ACCSL: variants seen among roughly 807,000 people sequenced by gnomAD.
The protein encoded by ACCSL is probable inactive 1-aminocyclopropane-1-carboxylate synthase-like protein 2.
ACCSL carries 55 observed loss-of-function variants against 61.7 expected under a neutral mutation model. The observed-to-expected ratio is 0.89, with a 90% CI of 0.72 to 1.12. The LOEUF (loss-of-function observed/expected upper bound fraction) is 1.12. Among genes scored for constraint, ACCSL ranks in the 50% most tolerant of loss-of-function variants. ACCSL has a pLI of 0.00. For synonymous variants in ACCSL, 258 were observed against 264.3 expected (o/e 0.98, Z 0.23); for missense variants, 632 against 698.0 (o/e 0.91, Z 1.07).
the ACCSL span, among the ~76,000 whole-genome samples, chr11:43,951,527 G>A: frequency 6.6e-6 from 1 of 152,164 alleles, no homozygotes; most frequent in Non-Finnish European, 1.5e-5. Flanking sequence ...CTGTCCGGAA[G>A]CACAAAGACC....
chr11:44,037,875 C>G, the ACCSL span, among the ~76,000 whole-genome samples: 15 of 150,978 alleles, frequency 9.9e-5, no homozygotes, highest in Non-Finnish European at 5.9e-5. Context: ...ATCCATGCAT[C>G]CATCCATCCA....
chr11:43,990,958 C>T, the ACCSL span, among the ~76,000 whole-genome samples: 1 of 152,096 alleles, frequency 6.6e-6, no homozygotes, highest in Non-Finnish European at 1.5e-5. Context: ...GTAATCCCAG[C>T]TACTTGGGAG....
the ACCSL span, among the ~76,000 whole-genome samples, chr11:43,951,152 C>G: frequency 6.6e-6 from 1 of 152,196 alleles, no homozygotes; most frequent in South Asian, 2.1e-4. Flanking sequence ...ATTGGCTGCT[C>G]TTTGTGGCTT....
chr11:44,051,407 G>A lies in ACCSL; in HGVS notation c.705+3G>A. ...CTACCCGACTTGACCCAGAAAATGT[G>A]AGTCAGTTTCCCAGCCTTGCTGCCA... On this transcript the variant is annotated splice_donor_region_variant and intron_variant, in intron 4 of 13. Coordinates refer to ENST00000378832, the MANE Select transcript of ACCSL (RefSeq NM_001031854.2). The A allele has an allele frequency of 1.2e-6, 2 of 1,614,198 alleles. No homozygotes were observed. The highest frequency in any genetic ancestry group is 1.7e-6 in the Non-Finnish European group (2 of 1,180,028).
the ACCSL span, among the ~76,000 whole-genome samples, chr11:43,961,812 A>G: frequency 6.6e-6 from 1 of 152,136 alleles, no homozygotes; most frequent in African/African-American, 2.4e-5. Flanking sequence ...CTTCAGCTAT[A>G]ACAGGAAATA....
chr11:43,954,807 ACT>A, the ACCSL span, among the ~76,000 whole-genome samples: 1 of 151,560 alleles, frequency 6.6e-6, no homozygotes, highest in Non-Finnish European at 1.5e-5. Flanking sequence ...CTGGTCTCGA[ACT>A]CTCCATCTCA....
At chr11:44,029,217 C>T in the ACCSL span, among the ~76,000 whole-genome samples, 1 of 152,254 alleles carries the variant, frequency 6.6e-6, no homozygotes, top group Non-Finnish European at 1.5e-5. Context: ...CAAGATCCTT[C>T]CAGAGGCCTG....
chr11:44,029,162 T>C, the ACCSL span, among the ~76,000 whole-genome samples: 1 of 152,236 alleles, frequency 6.6e-6, no homozygotes, highest in Non-Finnish European at 1.5e-5. Flanking sequence ...AGATCTAGTC[T>C]TCTTCAAAAC....
chr11:43,943,337 C>G, the ACCSL span: 11 of 1,409,912 alleles, frequency 7.8e-6, no homozygotes, highest in Non-Finnish European at 9.2e-6. The surrounding 1 kb of genome is among the most constrained non-coding windows in gnomAD (Gnocchi z 4.8). Context: ...CGTGTGAACC[C>G]CGAGAGTGCC....
chr11:43,947,215 C>A, the ACCSL span: 1 of 152,198 alleles, frequency 6.6e-6, no homozygotes, highest in South Asian at 2.1e-4. Flanking sequence ...CTCCCGTGAA[C>A]CAACAGAGGG....
At chr11:44,013,267 T>C in the ACCSL span, among the ~76,000 whole-genome samples, 1 of 152,228 alleles carries the variant, frequency 6.6e-6, no homozygotes, top group African/African-American at 2.4e-5. Context: ...TAAAAGAACA[T>C]AAGCAATTCT....
chr11:43,924,295 T>G, the ACCSL span, among the ~76,000 whole-genome samples: 1 of 152,248 alleles, frequency 6.6e-6, no homozygotes, highest in Non-Finnish European at 1.5e-5. Context: ...AGCCCAGCCG[T>G]GCCTGCTGCT....
At chr11:43,949,814 CA>C in the ACCSL span, among the ~76,000 whole-genome samples, 2 of 135,924 alleles carry the variant, frequency 1.5e-5, no homozygotes, top group African/African-American at 2.8e-5. Context: ...GACTCCATCT[CA>C]AAAAAAACAA....
the ACCSL span, among the ~76,000 whole-genome samples, chr11:43,960,530 G>A: frequency 7.6e-3 from 1,153 of 152,032 alleles, 11 homozygotes; most frequent in Middle Eastern, 0.031. Context: ...AATTACAGGC[G>A]TGCACTACCA....
the ACCSL span, among the ~76,000 whole-genome samples, chr11:44,032,464 G>A: frequency 6.6e-6 from 1 of 152,226 alleles, no homozygotes; most frequent in African/African-American, 2.4e-5. Context: ...CAATGGTCCA[G>A]GCAGCTGCAG....
chr11:43,974,979 A>G, the ACCSL span, among the ~76,000 whole-genome samples: 2 of 152,252 alleles, frequency 1.3e-5, no homozygotes, highest in Non-Finnish European at 2.9e-5. Context: ...GTAATTTGCT[A>G]TGCAGCAATA....
chr11:43,958,731 A>G, the ACCSL span, among the ~76,000 whole-genome samples: 1 of 152,126 alleles, frequency 6.6e-6, no homozygotes, highest in Non-Finnish European at 1.5e-5. Flanking sequence ...ATCAGTGTGG[A>G]GTCTTTTGAA....
At chr11:44,055,975 T>C (rs1952668616) in intron 9 of ACCSL, 65 bp from the exon 10 acceptor site, 2 of 1,595,020 alleles carry the variant, frequency 1.3e-6, no homozygotes, top group East Asian at 4.5e-5. Flanking sequence ...TTTCCCCTCT[T>C]ATACCCCAAA....
At chr11:43,986,138 A>T in the ACCSL span, among the ~76,000 whole-genome samples, 2 of 151,938 alleles carry the variant, frequency 1.3e-5, no homozygotes, top group African/African-American at 2.4e-5. Context: ...TCTCACAGCC[A>T]TCAATTCCTT....
Sources: gnomAD v4.1 joint callset for allele counts (sites outside exome capture counted in the v4.1 genomes callset) on GRCh38, gnomAD v4.1.1 for gene constraint, Gnocchi (gnomAD v3.1) non-coding constraint, MANE v1.5 for transcripts, NCBI Gene and HGNC (gene_info 2026-07-23, HGNC 2026-07-21) for gene names.